MGMT: variants seen among roughly 807,000 people sequenced by gnomAD.
MGMT encodes the protein O-6-methylguanine-DNA methyltransferase, also known as methylated-DNA--protein-cysteine methyltransferase.
In MGMT, 14 loss-of-function variants were observed where a neutral mutation model predicts 15.9. That is an observed-to-expected ratio of 0.88 (90% CI 0.58 to 1.37). The LOEUF is 1.37. MGMT is among the 40% of genes most tolerant of loss of function. MGMT has a pLI of 0.00. For synonymous variants in MGMT, 130 were observed against 118.2 expected (o/e 1.10, Z -0.65); for missense variants, 282 against 268.1 (o/e 1.05, Z -0.36).
chr10:129,706,421 G>C (rs149761051), intron 2 of MGMT, among the ~76,000 whole-genome samples: 6 of 152,162 alleles, frequency 3.9e-5, no homozygotes, highest in African/African-American at 1.2e-4. Flanking sequence ...AGATCTCAGC[G>C]CACGCCCCCC....
chr10:129,584,040 G>A (rs898042087), intron 2 of MGMT, among the ~76,000 whole-genome samples: 5 of 152,206 alleles, frequency 3.3e-5, no homozygotes, highest in Admixed American at 1.3e-4. Flanking sequence ...ATGCAGAAGC[G>A]GAAGTCAGTG....
chr10:129,482,497 G>C (rs1845369146), intron 1 of MGMT, among the ~76,000 whole-genome samples: 1 of 152,090 alleles, frequency 6.6e-6, no homozygotes, highest in African/African-American at 2.4e-5. Context: ...ATTATTAGGA[G>C]TATTGACATC....
chr10:129,680,041 G>A lies in MGMT; in HGVS notation c.126-27854G>A, dbSNP rs373890849. Among the ~76,000 whole-genome samples, 37 of 152,324 alleles carry A rather than the reference G, an allele frequency of 2.4e-4. 1 individual carries two copies. The South Asian group carries it at 6.6e-3, about 27-fold the overall frequency. On this transcript the variant is annotated intron_variant, in intron 2 of 4. Transcript: ENST00000651593. ...TTCGATTTAGAAAGGAAAGACAGGC[G>A]AGTGCTGTACAATGGTGCAATTCAG...
chr10:129,497,349 G>A (rs976169726), intron 1 of MGMT, among the ~76,000 whole-genome samples: 2 of 152,290 alleles, frequency 1.3e-5, no homozygotes, highest in East Asian at 1.9e-4. Context: ...CAGCAAGGGC[G>A]TGGTGAGGGC....
Position 129,610,508 on chromosome 10 carries a change from G to A in MGMT, c.125+74131G>A, listed in dbSNP as rs145871585. The stretch of plus-strand genomic sequence containing the variant: ...GGCCCCTTGTTTTCTTCAGCTCTCC[G>A]TCCATATGCAATAGCGATTCCTCAT... On this transcript the variant is annotated intron_variant, in intron 2 of 4. Transcript: ENST00000651593. Among the ~76,000 whole-genome samples the A allele has an allele frequency of 2.3e-3, 357 of 152,316 alleles. 2 individuals carry two copies. Among genetic ancestry groups the A allele is most frequent in the East Asian group, 9.4e-3 (49 of 5,186 alleles).
chr10:129,523,778 G>A (rs1275508812), intron 1 of MGMT, among the ~76,000 whole-genome samples: 2 of 152,214 alleles, frequency 1.3e-5, no homozygotes, highest in Admixed American at 6.5e-5. Context: ...CATGTTCTGA[G>A]CAGAGGGTGC....
intron 2 of MGMT, among the ~76,000 whole-genome samples, chr10:129,621,728 ATTGT>A (rs1377668715): frequency 2.0e-5 from 3 of 152,168 alleles, no homozygotes; most frequent in African/African-American, 7.2e-5. Flanking sequence ...ATGTACTTTG[ATTGT>A]TTGTTGAACA....
chr10:129,730,594 C>G (rs370419389), intron 3 of MGMT, among the ~76,000 whole-genome samples: 12 of 152,152 alleles, frequency 7.9e-5, no homozygotes, highest in Admixed American at 6.5e-5. Context: ...AAATGAAATT[C>G]GCAGAATTCC....
intron 2 of MGMT, among the ~76,000 whole-genome samples, chr10:129,620,086 G>A (rs1589897488): frequency 6.6e-6 from 1 of 152,114 alleles, no homozygotes; most frequent in Non-Finnish European, 1.5e-5. Flanking sequence ...AGACATTGGA[G>A]GCCGTTCATG....
chr10:129,540,053 T>G (rs1215863583), intron 2 of MGMT, among the ~76,000 whole-genome samples: 4 of 152,226 alleles, frequency 2.6e-5, no homozygotes, highest in Non-Finnish European at 5.9e-5. Context: ...CTGCATTTGT[T>G]TGGGTTCTTT....
chr10:129,548,129 A>G (rs907006531), intron 2 of MGMT, among the ~76,000 whole-genome samples: 4 of 152,132 alleles, frequency 2.6e-5, no homozygotes, highest in African/African-American at 9.7e-5. Context: ...TGTTTTTAAG[A>G]CTTAACCCAT....
intron 2 of MGMT, among the ~76,000 whole-genome samples, chr10:129,651,332 G>A (rs1056671941): frequency 6.6e-6 from 1 of 151,882 alleles, no homozygotes; most frequent in East Asian, 1.9e-4. Flanking sequence ...GGTCCCAGGT[G>A]ACTAATAAGC....
At chr10:129,759,941 C>T (rs76420701) in intron 4 of MGMT, among the ~76,000 whole-genome samples, 1,605 of 152,294 alleles carry the variant, frequency 0.011, 12 homozygotes, top group Non-Finnish European at 0.017. Flanking sequence ...CGTGTCTCAC[C>T]AGGGATGGCG....
intron 3 of MGMT, among the ~76,000 whole-genome samples, chr10:129,716,935 G>T (rs1848305818): frequency 6.6e-6 from 1 of 152,200 alleles, no homozygotes; most frequent in Admixed American, 6.5e-5. Flanking sequence ...ATTCAACTGA[G>T]CATATTTTAC....
chr10:129,541,158 C>CTG (rs758664671), intron 2 of MGMT, among the ~76,000 whole-genome samples: 2 of 152,266 alleles, frequency 1.3e-5, no homozygotes, highest in Non-Finnish European at 1.5e-5. Flanking sequence ...ATCCACTTAC[C>CTG]TGTGTGTGGC....
chr10:129,670,550 T>A (rs1847709916), intron 2 of MGMT, among the ~76,000 whole-genome samples: 1 of 152,112 alleles, frequency 6.6e-6, no homozygotes, highest in African/African-American at 2.4e-5. Flanking sequence ...TAAAAAAAAT[T>A]TTTGAGAAAA....
At chr10:129,473,751 G>A (rs1378193078) in intron 1 of MGMT, among the ~76,000 whole-genome samples, 1 of 152,242 alleles carries the variant, frequency 6.6e-6, no homozygotes, top group Non-Finnish European at 1.5e-5. Context: ...ATTCGCCCAA[G>A]TGTATTCCTG....
intron 2 of MGMT, among the ~76,000 whole-genome samples, chr10:129,552,547 A>G (rs56022600): frequency 0.033 from 5,004 of 152,178 alleles, 133 homozygotes; most frequent in South Asian, 0.064. Context: ...ATGAGGACTG[A>G]GCCTCATAGT....
intron 3 of MGMT, among the ~76,000 whole-genome samples, chr10:129,741,682 A>G (rs1848635293): frequency 1.3e-5 from 2 of 152,198 alleles, no homozygotes; most frequent in African/African-American, 4.8e-5. Flanking sequence ...GGTCACCATC[A>G]CACTCACACC....
Sources: gnomAD v4.1 joint callset for allele counts (sites outside exome capture counted in the v4.1 genomes callset) on GRCh38, gnomAD v4.1.1 for gene constraint, MANE v1.5 for transcripts, NCBI Gene and HGNC (gene_info 2026-07-23, HGNC 2026-07-21) for gene names.